GLRX3: variants seen among roughly 807,000 people sequenced by gnomAD.
The protein encoded by GLRX3 is glutaredoxin 3, also known as glutaredoxin-3.
A neutral mutation model predicts 49.5 loss-of-function variants in GLRX3; 22 were observed. That is an observed-to-expected ratio of 0.44 (90% CI 0.32 to 0.63). The LOEUF is 0.63. Among genes scored for constraint, GLRX3 ranks in the 30% least tolerant of loss-of-function variants. The pLI is 0.05. For missense variants in GLRX3, 385 were observed against 396.3 expected (o/e 0.97, Z 0.24); for synonymous variants, 133 against 140.0 (o/e 0.95, Z 0.35).
At chr10:130,177,281 T>C (rs1414493304) in intron 10 of GLRX3, among the ~76,000 whole-genome samples, 1 of 152,214 alleles carries the variant, frequency 6.6e-6, no homozygotes, top group Non-Finnish European at 1.5e-5. Flanking sequence ...TGAGTTGTTA[T>C]TGCCTCTGAA....
At chr10:130,179,850 G>A (rs1447336001), downstream of GLRX3, among the ~76,000 whole-genome samples, 1 of 152,120 alleles carries the variant, frequency 6.6e-6, no homozygotes, top group Non-Finnish European at 1.5e-5. Flanking sequence ...GAAAAACAAC[G>A]GAAATTAGTT....
intron 8 of GLRX3, among the ~76,000 whole-genome samples, chr10:130,173,346 A>C (rs1862851057): frequency 6.6e-6 from 1 of 152,200 alleles, no homozygotes; most frequent in Non-Finnish European, 1.5e-5. Context: ...ATGACCTCCC[A>C]GCTCTGGACT....
intron 4 of GLRX3, among the ~76,000 whole-genome samples, chr10:130,165,115 TAATC>T (rs1387329790): frequency 2.0e-5 from 3 of 152,234 alleles, no homozygotes; most frequent in Admixed American, 2.0e-4. Flanking sequence ...TTCTTGCAAT[TAATC>T]TTATATTGAA....
chr10:130,180,095 C>CTT (rs36013250), downstream of GLRX3: 2,961 of 147,440 alleles, frequency 0.02, 110 homozygotes, highest in African/African-American at 0.067. Context: ...AGCATCACTA[C>CTT]TTTTTTTTTT....
At chr10:130,153,382 T>C (rs967718089) in intron 2 of GLRX3, among the ~76,000 whole-genome samples, 19 of 152,258 alleles carry the variant, frequency 1.2e-4, no homozygotes, top group African/African-American at 4.1e-4. Context: ...AGAGACGTTC[T>C]GGTTTTTGGA....
intron 2 of GLRX3, among the ~76,000 whole-genome samples, chr10:130,146,357 C>T (rs1262601593): frequency 6.6e-6 from 1 of 152,182 alleles, no homozygotes; most frequent in Non-Finnish European, 1.5e-5. Context: ...GAAGGCAGAC[C>T]TCCGGGAGAA....
chr10:130,143,236 G>A (rs756927444), intron 1 of GLRX3, among the ~76,000 whole-genome samples: 1 of 152,080 alleles, frequency 6.6e-6, no homozygotes, highest in Non-Finnish European at 1.5e-5. Context: ...ACACTTTATT[G>A]TAGGCTTATT....
At chr10:130,139,804 T>G (rs925797955) in intron 1 of GLRX3, among the ~76,000 whole-genome samples, 1 of 152,118 alleles carries the variant, frequency 6.6e-6, no homozygotes, top group Non-Finnish European at 1.5e-5. Flanking sequence ...GATGCATGCC[T>G]GTAGTCCCCA....
At chr10:130,149,479 C>G (rs530785043) in intron 2 of GLRX3, among the ~76,000 whole-genome samples, 1 of 151,212 alleles carries the variant, frequency 6.6e-6, no homozygotes, top group Non-Finnish European at 1.5e-5. Flanking sequence ...CTTAGAGAAA[C>G]CTTGTGTTTA....
chr10:130,174,528 A>ACAGTTGCAGCAGAGAGCAGAACTGAG (rs1339354520), intron 8 of GLRX3, among the ~76,000 whole-genome samples: 1 of 152,242 alleles, frequency 6.6e-6, no homozygotes, highest in Non-Finnish European at 1.5e-5. Flanking sequence ...TTTTATGCTG[A>ACAGTTGCAGCAGAGAGCAGAACTGAG]CAGTTGCAGC....
intron 1 of GLRX3, among the ~76,000 whole-genome samples, chr10:130,141,753 C>G (rs535618892): frequency 1.3e-5 from 2 of 152,270 alleles, no homozygotes; most frequent in East Asian, 1.9e-4. Context: ...ATGTATAGGG[C>G]TGCTGTGAGC....
At chr10:130,160,526 T>G (rs1238499950) in intron 3 of GLRX3, among the ~76,000 whole-genome samples, 1 of 152,232 alleles carries the variant, frequency 6.6e-6, no homozygotes, top group African/African-American at 2.4e-5. Context: ...TAGTAATAGA[T>G]TCATTCCAGC....
intron 6 of GLRX3, 38 bp from the exon 7 acceptor site, chr10:130,169,395 T>C: frequency 1.5e-6 from 2 of 1,364,312 alleles, no homozygotes; most frequent in Non-Finnish European, 2.1e-6. Context: ...TGTTGCATAA[T>C]TGAGCTGAGC....
chr10:130,171,156 A>G (rs995145463), intron 7 of GLRX3, among the ~76,000 whole-genome samples: 1 of 152,008 alleles, frequency 6.6e-6, no homozygotes, highest in African/African-American at 2.4e-5. Flanking sequence ...AAATAAAATA[A>G]AAAGAAAAAT....
chr10:130,169,418 A>G lies in GLRX3; in HGVS notation c.714-15A>G, dbSNP rs764112616. On this transcript the variant is annotated splice_polypyrimidine_tract_variant and intron_variant, in intron 6 of 10. Coordinates refer to ENST00000331244, the MANE Select transcript of GLRX3 (RefSeq NM_006541.5). ...AATTGAGCTGAGCCGTTTTATATCA[A>G]TTTTCTCTCTTTAGGCTCAAAGTGC... 9.4e-6 allele frequency: 15 copies of G among 1,590,170 alleles called. No homozygotes were observed. Among genetic ancestry groups the G allele is most frequent in the South Asian group, 4.4e-5 (4 of 90,544 alleles).
chr10:130,155,377 G>A (rs925220449), intron 2 of GLRX3, among the ~76,000 whole-genome samples: 3 of 152,190 alleles, frequency 2.0e-5, no homozygotes, highest in African/African-American at 7.2e-5. Context: ...ACTCTGGCTG[G>A]AGAATGGTTT....
At position 130,160,921 on chromosome 10, in the gene GLRX3, C is replaced by G; in HGVS notation, c.402C>G (p.Asn134Lys). 6.2e-7 allele frequency: 1 copy of G among 1,613,590 alleles called. No individual in the cohort carries two copies. The highest frequency in any genetic ancestry group is 8.5e-7 in the Non-Finnish European group (1 of 1,179,514). ...SANEHLKEDL[N>K]LRLKKLTHAA... The stretch of plus-strand genomic sequence containing the variant: ...ATGAACATCTTAAAGAAGATCTCAA[C>G]CTTCGCTTGAAGAAATTGACTCATG... Residue 134 changes from asparagine to lysine, a missense_variant, in exon 4 of 11, where the codon AAC becomes AAG. Asn to Lys is a moderately conservative substitution (Grantham distance 94). Coordinates refer to ENST00000331244, the MANE Select transcript of GLRX3 (RefSeq NM_006541.5).
intron 2 of GLRX3, among the ~76,000 whole-genome samples, chr10:130,148,427 T>G (rs1417801790): frequency 8.0e-6 from 1 of 124,612 alleles, no homozygotes. Flanking sequence ...CACTTTGCCC[T>G]TCAGTCTTTT....
chr10:130,166,542 CAT>C lies in GLRX3; in HGVS notation c.516_517del (p.His172GlnfsTer5). On this transcript the variant is annotated frameshift_variant, in exon 5 of 11. Transcript: ENST00000331244. LOFTEE classifies it high-confidence loss of function. ...GCAGATGGTGGAAATTCTTCACAAA[CAT>C]AATATTCAGTTTAGCAGTTTTGATA... ...SKQMVEILHK[H>X]NIQFSSFDIF... 6.2e-7 allele frequency: 1 copy of C among 1,613,222 alleles called. No homozygotes were observed. The highest frequency in any genetic ancestry group is 8.5e-7 in the Non-Finnish European group (1 of 1,179,306).
Sources: gnomAD v4.1 joint callset for allele counts (sites outside exome capture counted in the v4.1 genomes callset) on GRCh38, gnomAD v4.1.1 for gene constraint, MANE v1.5 for transcripts, NCBI Gene and HGNC (gene_info 2026-07-23, HGNC 2026-07-21) for gene names.